Variants in CCDC172 observed in about 807,000 individuals in gnomAD.
CCDC172 encodes the protein coiled-coil domain-containing protein 172.
A neutral mutation model predicts 38.0 loss-of-function variants in CCDC172; 30 were observed. The observed-to-expected ratio is 0.79, with a 90% CI of 0.59 to 1.07. The LOEUF (loss-of-function observed/expected upper bound fraction) is 1.07. Among genes scored for constraint, CCDC172 ranks in the 50% least tolerant of loss-of-function variants. CCDC172 has a pLI of 0.00. For missense variants in CCDC172, 297 were observed against 290.1 expected, an observed-to-expected ratio of 1.02 and a Z score of -0.17; for synonymous variants, 78 against 88.3, an observed-to-expected ratio of 0.88 and a Z score of 0.66.
At chr10:116,356,972 G>C (rs180890955) in intron 5 of CCDC172, among the ~76,000 whole-genome samples, 1 of 152,218 alleles carries the variant, frequency 6.6e-6, no homozygotes, top group Non-Finnish European at 1.5e-5. Context: ...GAAGCTAGTT[G>C]GAGCTTAAAA....
chr10:116,361,987 G>C (rs192761144), intron 7 of CCDC172, among the ~76,000 whole-genome samples: 2 of 152,268 alleles, frequency 1.3e-5, no homozygotes, highest in East Asian at 1.9e-4. Context: ...AGGAGATTGA[G>C]ACCATCCTGG....
chr10:116,326,439 G>A (rs1180198008), intron 3 of CCDC172, among the ~76,000 whole-genome samples: 3 of 152,098 alleles, frequency 2.0e-5, no homozygotes, highest in Non-Finnish European at 4.4e-5. Context: ...TCTGTTTGAG[G>A]AAGTCTGTCT....
chr10:116,378,332 A>G, intron 7 of CCDC172, 91 bp from the exon 8 acceptor site: 1 of 1,254,128 alleles, frequency 8.0e-7, no homozygotes, highest in Non-Finnish European at 1.1e-6. Context: ...TGAAATTCTG[A>G]TTATAGAAGC....
chr10:116,357,822 T>C lies in CCDC172; in HGVS notation c.551-14T>C. ...AATTTTCAAAAGATTGCAACTATTTTTTGATTTGTTTAGTTTTTGAAGATG... is the reference window on the plus strand; with the variant it reads ...AATTTTCAAAAGATTGCAACTATTTCTTGATTTGTTTAGTTTTTGAAGATG... On this transcript the variant is annotated splice_polypyrimidine_tract_variant and intron_variant, in intron 6 of 8. Transcript: ENST00000333254. The C allele has an allele frequency of 7.9e-7, 1 of 1,268,214 alleles. No individual in the cohort carries two copies. Among genetic ancestry groups the C allele is most frequent in the Non-Finnish European group, 1.1e-6 (1 of 894,204 alleles). The allele number at this position is 1,268,214 out of a possible 1,614,324, so 78.6% of individuals were successfully genotyped here.
chr10:116,338,851 G>A (rs899486759), intron 3 of CCDC172, among the ~76,000 whole-genome samples: 1 of 151,948 alleles, frequency 6.6e-6, no homozygotes, highest in Non-Finnish European at 1.5e-5. Context: ...TTTGAGTTTT[G>A]GGTTTGACAT....
chr10:116,351,731 C>T (rs965678096), intron 5 of CCDC172, among the ~76,000 whole-genome samples: 8 of 152,270 alleles, frequency 5.3e-5, no homozygotes, highest in Admixed American at 2.0e-4. Flanking sequence ...TACAGGACCA[C>T]GATCCCTGAG....
chr10:116,337,668 A>G (rs888502595), intron 3 of CCDC172, among the ~76,000 whole-genome samples: 2 of 152,198 alleles, frequency 1.3e-5, no homozygotes, highest in African/African-American at 4.8e-5. Context: ...AGCTACATAG[A>G]TATAAAATAT....
intron 5 of CCDC172, among the ~76,000 whole-genome samples, chr10:116,346,519 A>G (rs1304907846): frequency 6.6e-6 from 1 of 152,078 alleles, no homozygotes; most frequent in Non-Finnish European, 1.5e-5. Context: ...AAGGGTCACA[A>G]ATAATCTTTT....
intron 5 of CCDC172, among the ~76,000 whole-genome samples, chr10:116,344,165 AAACT>A (rs1648283492): frequency 6.6e-6 from 1 of 152,068 alleles, no homozygotes; most frequent in African/African-American, 2.4e-5. Context: ...AACAGACAGA[AAACT>A]AATAATAAAA....
rs1229267467 is a variant in CCDC172, at chr10:116,378,491, A to C, written c.722A>C (p.Glu241Ala). 3.1e-6 allele frequency: 5 copies of C among 1,604,686 alleles called. No homozygotes were observed. The highest frequency in any genetic ancestry group is 4.3e-6 in the Non-Finnish European group (5 of 1,176,110). The change falls in exon 8 of 9, where the codon GAA (glutamate) becomes GCA (alanine). Residue 241 changes from glutamate (E) to alanine (A), a missense_variant. Glu to Ala is a moderately radical substitution (Grantham distance 107). Transcript: ENST00000333254. ...MESVYEALQT[E>A]IEFLELTLAQ... ...AGTGTTTATGAAGCTCTCCAAACAG[A>C]AATAGAATTTTTGGAGTTGGTAAGT...
chr10:116,365,839 T>G (rs577205739), intron 7 of CCDC172, among the ~76,000 whole-genome samples: 3 of 152,168 alleles, frequency 2.0e-5, no homozygotes, highest in South Asian at 2.1e-4. Context: ...TACTTACCAT[T>G]GTGTTTCAGT....
At chr10:116,360,834 G>A (rs928026263) in intron 7 of CCDC172, among the ~76,000 whole-genome samples, 2 of 152,060 alleles carry the variant, frequency 1.3e-5, no homozygotes, top group African/African-American at 4.8e-5. Context: ...TTAATGGTGT[G>A]AGTTAAGTTA....
In CCDC172 at chr10:116,338,529, C is replaced by G. The variant is rs1046257011; in HGVS notation, c.166-2205C>G. On this transcript the variant is annotated intron_variant, in intron 3 of 8. Transcript: ENST00000333254. Reference sequence around the variant, plus strand: ...AGGGAAGAGGAAAATTATGGATATGCCCTTTTTATAAATCTTTAGAACAGC... The same window carrying G: ...AGGGAAGAGGAAAATTATGGATATGGCCTTTTTATAAATCTTTAGAACAGC... Among the ~76,000 whole-genome samples, 7 of 152,040 alleles carry G rather than the reference C, an allele frequency of 4.6e-5. No homozygotes were observed. In the South Asian group the frequency reaches 8.3e-4, roughly 18 times the overall value.
At chr10:116,370,237 T>C (rs1449487448) in intron 7 of CCDC172, among the ~76,000 whole-genome samples, 1 of 151,808 alleles carries the variant, frequency 6.6e-6, no homozygotes, top group Non-Finnish European at 1.5e-5. Flanking sequence ...ATTGCATTTG[T>C]GTTTTGAGCA....
chr10:116,359,908 T>C (rs1845043226), intron 7 of CCDC172, among the ~76,000 whole-genome samples: 1 of 152,224 alleles, frequency 6.6e-6, no homozygotes, highest in South Asian at 2.1e-4. Flanking sequence ...GAATCTATCT[T>C]GATGTTATCC....
intron 3 of CCDC172, among the ~76,000 whole-genome samples, chr10:116,333,822 G>T (rs1371220349): frequency 6.6e-6 from 1 of 152,128 alleles, no homozygotes; most frequent in Non-Finnish European, 1.5e-5. Context: ...TTTGAAAAGA[G>T]TTGACTGTGG....
intron 7 of CCDC172, among the ~76,000 whole-genome samples, chr10:116,359,163 T>C (rs1468364381): frequency 6.6e-6 from 1 of 152,170 alleles, no homozygotes; most frequent in Non-Finnish European, 1.5e-5. Flanking sequence ...TTTTCCCAGG[T>C]GTGAAGAGTG....
intron 7 of CCDC172, among the ~76,000 whole-genome samples, chr10:116,371,870 A>G (rs11197640): frequency 0.11 from 16,961 of 152,106 alleles, 1,667 homozygotes; most frequent in East Asian, 0.34. Flanking sequence ...TAAGAGAGCC[A>G]TTGATTTAAA....
At chr10:116,373,819 T>C (rs766367278) in intron 7 of CCDC172, among the ~76,000 whole-genome samples, 7 of 152,198 alleles carry the variant, frequency 4.6e-5, no homozygotes, top group Non-Finnish European at 8.8e-5. Context: ...TAAAGCAGTG[T>C]TATATTATTT....
Sources: gnomAD v4.1 joint callset for allele counts (sites outside exome capture counted in the v4.1 genomes callset) on GRCh38, gnomAD v4.1.1 for gene constraint, MANE v1.5 for transcripts, NCBI Gene and HGNC (gene_info 2026-07-23, HGNC 2026-07-21) for gene names.